UNC5B: variants seen among roughly 807,000 people sequenced by gnomAD.
UNC5B encodes unc-5 netrin receptor B.
Under a neutral mutation model 103.7 loss-of-function variants are expected in UNC5B, and 56 were observed. The observed-to-expected ratio is 0.54, with a 90% CI of 0.44 to 0.67. The LOEUF (loss-of-function observed/expected upper bound fraction) is 0.67, where lower values mean the gene tolerates loss of function less well. Among genes scored for constraint, UNC5B ranks in the 30% least tolerant of loss-of-function variants. The pLI is 0.00. For missense variants in UNC5B, 1,194 were observed against 1,284.5 expected (o/e 0.93, Z 1.08); for synonymous variants, 577 against 542.0 (o/e 1.06, Z -0.90).
chr10:71,281,486 G>A (rs1256685775), intron 2 of UNC5B, among the ~76,000 whole-genome samples: 7 of 152,002 alleles, frequency 4.6e-5, no homozygotes, highest in African/African-American at 1.2e-4. Context: ...GACTACAGGC[G>A]CGTGCCACCA....
rs751031302 is a variant in UNC5B, at chr10:71,299,540, G to T, written c.*263G>T. On this transcript the variant is annotated 3_prime_UTR_variant, in exon 17 of 17. Coordinates refer to ENST00000335350, the MANE Select transcript of UNC5B (RefSeq NM_170744.5). ...ATCTCTGTGCAGGAACCAAGATGGG[G>T]CTGAAGCCTCTGGAGGCAGTTGGTT... 5 of 387,378 alleles carry T rather than the reference G, an allele frequency of 1.3e-5. No homozygotes were observed. Among genetic ancestry groups the T allele is most frequent in the Non-Finnish European group, 2.3e-5 (5 of 214,688 alleles). The allele number at this position is 387,378 out of a possible 1,614,324, so 24.0% of individuals were successfully genotyped here.
At chr10:71,263,245 C>T (rs548074666) in intron 1 of UNC5B, among the ~76,000 whole-genome samples, 65 of 152,336 alleles carry the variant, frequency 4.3e-4, no homozygotes, top group African/African-American at 1.4e-3. Context: ...CCAGCTCTGC[C>T]AGGAACTGTG....
intron 1 of UNC5B, among the ~76,000 whole-genome samples, chr10:71,237,995 G>A (rs1014292136): frequency 2.0e-5 from 3 of 152,154 alleles, no homozygotes; most frequent in Admixed American, 6.5e-5. Flanking sequence ...CCACAGAAGG[G>A]GACGGGAGAC....
chr10:71,229,441 C>G (rs989910667), intron 1 of UNC5B, among the ~76,000 whole-genome samples: 1 of 152,222 alleles, frequency 6.6e-6, no homozygotes, highest in African/African-American at 2.4e-5. Context: ...ACACCCTTGA[C>G]AGTGTCCTCC....
chr10:71,264,362 A>G (rs921217901), intron 1 of UNC5B, among the ~76,000 whole-genome samples: 18 of 152,222 alleles, frequency 1.2e-4, no homozygotes, highest in Non-Finnish European at 2.2e-4. Context: ...GTGTATTAAC[A>G]TGTCTAATCC....
chr10:71,291,162 G>A, intron 9 of UNC5B, 53 bp downstream of exon 9: 5 of 1,574,360 alleles, frequency 3.2e-6, no homozygotes, highest in Non-Finnish European at 4.3e-6. Context: ...TACCCAGAGG[G>A]CTCTGGTGGT....
intron 6 of UNC5B, among the ~76,000 whole-genome samples, chr10:71,288,298 G>A (rs956310580): frequency 3.3e-5 from 5 of 152,108 alleles, no homozygotes; most frequent in African/African-American, 1.2e-4. Flanking sequence ...TGTGTAAATC[G>A]TGCACTGGGC....
At chr10:71,238,615 C>T (rs1220049395) in intron 1 of UNC5B, among the ~76,000 whole-genome samples, 1 of 152,078 alleles carries the variant, frequency 6.6e-6, no homozygotes, top group East Asian at 1.9e-4. Flanking sequence ...CCACCAGGCC[C>T]GGCTACTTTT....
At chr10:71,224,217 T>C (rs1257024566) in intron 1 of UNC5B, among the ~76,000 whole-genome samples, 1 of 150,096 alleles carries the variant, frequency 6.7e-6, no homozygotes, top group Non-Finnish European at 1.5e-5. Flanking sequence ...TCCATCCCAC[T>C]TCTGTATGTA....
intron 1 of UNC5B, among the ~76,000 whole-genome samples, chr10:71,223,982 G>C (rs1422694166): frequency 6.6e-6 from 1 of 152,196 alleles, no homozygotes; most frequent in African/African-American, 2.4e-5. Flanking sequence ...TATAGACTCT[G>C]GGTGGCATCA....
chr10:71,284,690 C>T lies in UNC5B; in HGVS notation c.305-30C>T. Reference sequence around the variant, plus strand: ...GCCTCACATCCTTGCTTTGCCCCTGCCCCCTGACGGCTCTCTCTTCTCCTC... The same window carrying T: ...GCCTCACATCCTTGCTTTGCCCCTGTCCCCTGACGGCTCTCTCTTCTCCTC... On this transcript the variant is annotated intron_variant, in intron 2 of 16. Coordinates refer to ENST00000335350, the MANE Select transcript of UNC5B (RefSeq NM_170744.5). The T allele has an allele frequency of 3.1e-6, 5 of 1,610,928 alleles. No homozygotes were observed. In the South Asian group the frequency reaches 5.5e-5, roughly 18 times the overall value.
At position 71,295,852 on chromosome 10, in the gene UNC5B, G is replaced by A; in HGVS notation, c.2217G>A (p.Val739=). 1.2e-6 allele frequency: 2 copies of A among 1,612,996 alleles called. No individual in the cohort carries two copies. Among genetic ancestry groups the A allele is most frequent in the Non-Finnish European group, 1.7e-6 (2 of 1,179,960 alleles). Residue 739 remains valine, a synonymous_variant, in exon 14 of 17, where the codon GTG becomes GTA. Transcript: ENST00000335350. ...AGCGGACTCTGGGCGGATACTTGGT[G>A]GAGGAGCCGAAACCGCTAATGTTCA... is the stretch of plus-strand genomic sequence containing the variant. ...ELERTLGGYL[V]EEPKPLMFKD...
In UNC5B at chr10:71,284,705, C is replaced by G; in HGVS notation, c.305-15C>G. The G allele has an allele frequency of 8.1e-6, 13 of 1,612,990 alleles. No individual in the cohort carries two copies. Among genetic ancestry groups the G allele is most frequent in the Non-Finnish European group, 1.0e-5 (12 of 1,180,002 alleles). On this transcript the variant is annotated splice_polypyrimidine_tract_variant and intron_variant, in intron 2 of 16. Coordinates refer to ENST00000335350, the MANE Select transcript of UNC5B (RefSeq NM_170744.5). ...TTTGCCCCTGCCCCCTGACGGCTCT[C>G]TCTTCTCCTCCCAGGCCTGCGGGTG...
chr10:71,225,993 C>T (rs954916803), intron 1 of UNC5B, among the ~76,000 whole-genome samples: 1 of 152,212 alleles, frequency 6.6e-6, no homozygotes, highest in Non-Finnish European at 1.5e-5. Context: ...AGAGTCTCCT[C>T]CTCCCCACCC....
At chr10:71,220,650 C>G (rs1056883893) in intron 1 of UNC5B, among the ~76,000 whole-genome samples, 1 of 152,194 alleles carries the variant, frequency 6.6e-6, no homozygotes, top group Admixed American at 6.5e-5. Flanking sequence ...ATAATAACAT[C>G]ATCCTCAGAA....
intron 1 of UNC5B, among the ~76,000 whole-genome samples, chr10:71,257,205 AC>A (rs890529184): frequency 5.3e-5 from 8 of 152,094 alleles, no homozygotes; most frequent in South Asian, 2.1e-4. Context: ...CCCGGATCCC[AC>A]CTAGCTCCTT....
intron 1 of UNC5B, among the ~76,000 whole-genome samples, chr10:71,224,165 C>A (rs112877485): frequency 4.0e-5 from 6 of 148,570 alleles, no homozygotes; most frequent in African/African-American, 1.5e-4. Context: ...GGCACAGTGA[C>A]CCCTGCTGCA....
chr10:71,239,533 C>CA (rs1843848153), intron 1 of UNC5B, among the ~76,000 whole-genome samples: 1 of 152,156 alleles, frequency 6.6e-6, no homozygotes, highest in African/African-American at 2.4e-5. Context: ...ATAGTTCCAG[C>CA]CTCATGGGAG....
intron 1 of UNC5B, among the ~76,000 whole-genome samples, chr10:71,242,201 G>A (rs530020351): frequency 7.2e-5 from 11 of 152,152 alleles, no homozygotes; most frequent in African/African-American, 1.7e-4. Context: ...GGCGTCCGTC[G>A]GCCGTGGCCC....
Sources: allele counts gnomAD v4.1 joint callset (sites outside exome capture counted in the v4.1 genomes callset), GRCh38; gene constraint gnomAD v4.1.1; transcripts MANE v1.5; gene names NCBI Gene and HGNC (gene_info 2026-07-23, HGNC 2026-07-21).